EFHD1: variants seen among roughly 807,000 people sequenced by gnomAD.
EFHD1 encodes EF-hand domain-containing protein D1.
EFHD1 carries 10 observed loss-of-function variants against 17.2 expected under a neutral mutation model. That is an observed-to-expected ratio of 0.58 (90% CI 0.36 to 0.99). The LOEUF (loss-of-function observed/expected upper bound fraction) is 0.99, where lower values mean the gene tolerates loss of function less well. Ranked by LOEUF, EFHD1 falls within the 50% of genes least tolerant of loss-of-function variation. The pLI, the probability that EFHD1 is intolerant of heterozygous loss-of-function variation, is 0.01. For missense variants in EFHD1, 310 were observed against 327.5 expected, an observed-to-expected ratio of 0.95 and a Z score of 0.41; for synonymous variants, 153 against 142.0, an observed-to-expected ratio of 1.08 and a Z score of -0.55.
chr2:232,614,716 C>T (rs925079787), intron 1 of EFHD1, among the ~76,000 whole-genome samples: 11 of 152,150 alleles, frequency 7.2e-5, no homozygotes, highest in Admixed American at 7.2e-4. Flanking sequence ...TGGCTAATGC[C>T]TGTAATCCTA....
chr2:232,678,123 A>G (rs183383908), intron 3 of EFHD1, among the ~76,000 whole-genome samples: 62 of 152,116 alleles, frequency 4.1e-4, no homozygotes, highest in South Asian at 1.2e-3. Flanking sequence ...TCTCACTAAA[A>G]AAAACAAAAA....
Position 232,662,850 on chromosome 2 carries a change from G to A in EFHD1, c.351G>A (p.Leu117=). ...DGFIDLMELK[L]MMEKLGAPQT... Reference sequence around the variant, plus strand: ...TCATCGACCTGATGGAGCTGAAGCTGATGATGGAGAAGCTGGGGGCCCCCC... The same window carrying A: ...TCATCGACCTGATGGAGCTGAAGCTAATGATGGAGAAGCTGGGGGCCCCCC... Residue 117 remains leucine (L), a synonymous_variant, in exon 2 of 4, where the codon CTG becomes CTA. Transcript: ENST00000264059. 1 of 1,590,318 alleles carries A rather than the reference G, an allele frequency of 6.3e-7. No individual in the cohort carries two copies. Among genetic ancestry groups the A allele is most frequent in the Non-Finnish European group, 8.5e-7 (1 of 1,169,854 alleles).
At chr2:232,633,472 G>A (rs1440598935), upstream of EFHD1, 1 of 1,235,444 alleles carries the variant, frequency 8.1e-7, no homozygotes, top group Non-Finnish European at 1.0e-6. Flanking sequence ...CCCAGACACC[G>A]GCGGCCTCCT....
intron 1 of EFHD1, among the ~76,000 whole-genome samples, chr2:232,662,373 G>T (rs185617144): frequency 4.1e-4 from 63 of 152,272 alleles, no homozygotes; most frequent in African/African-American, 1.5e-3. Context: ...AGAACCAGGG[G>T]CAGTGACCAG....
At chr2:232,626,661 A>G (rs565297754) in intron 1 of EFHD1, among the ~76,000 whole-genome samples, 51 of 152,286 alleles carry the variant, frequency 3.3e-4, no homozygotes, top group South Asian at 1.9e-3. Context: ...TGCAGATGAA[A>G]GTCTGTTAGT....
chr2:232,639,689 C>T (rs561448952), intron 1 of EFHD1, among the ~76,000 whole-genome samples: 3 of 152,090 alleles, frequency 2.0e-5, no homozygotes, highest in South Asian at 4.2e-4. Context: ...AAAGATGTGC[C>T]GAATGGCCTA....
chr2:232,634,468 G>T (rs1233411646), intron 1 of EFHD1, among the ~76,000 whole-genome samples: 1 of 152,262 alleles, frequency 6.6e-6, no homozygotes, highest in South Asian at 2.1e-4. Context: ...CTGCAGCGCG[G>T]GGTCTGATGA....
chr2:232,619,021 C>A (rs1171701094), intron 1 of EFHD1, among the ~76,000 whole-genome samples: 1 of 151,584 alleles, frequency 6.6e-6, no homozygotes, highest in Non-Finnish European at 1.5e-5. Context: ...TGGTGGCAGG[C>A]ATCTGTAATC....
intron 2 of EFHD1, among the ~76,000 whole-genome samples, chr2:232,670,440 CAAAAAA>C (rs369519254): frequency 7.1e-6 from 1 of 141,268 alleles, no homozygotes; most frequent in African/African-American, 2.6e-5. Flanking sequence ...GACTGCATCT[CAAAAAA>C]AAAAAGGTTG....
At chr2:232,631,304 G>GTC (rs987000248), upstream of EFHD1, among the ~76,000 whole-genome samples, 42 of 144,394 alleles carry the variant, frequency 2.9e-4, no homozygotes, top group Non-Finnish European at 4.1e-4. Flanking sequence ...CTCTCTCTCT[G>GTC]TCTCTCTCTC....
chr2:232,653,695 G>A (rs755195674), intron 1 of EFHD1, among the ~76,000 whole-genome samples: 1 of 152,212 alleles, frequency 6.6e-6, no homozygotes, highest in African/African-American at 2.4e-5. Flanking sequence ...GGGATTGAAG[G>A]GGGTGGTTGG....
At chr2:232,636,535 T>C (rs1424166719) in intron 1 of EFHD1, among the ~76,000 whole-genome samples, 1 of 152,180 alleles carries the variant, frequency 6.6e-6, no homozygotes, top group Non-Finnish European at 1.5e-5. Context: ...TGGGTAAATG[T>C]GCACATTTGG....
chr2:232,614,906 A>G (rs1693893331), intron 1 of EFHD1, among the ~76,000 whole-genome samples: 1 of 151,984 alleles, frequency 6.6e-6, no homozygotes, highest in Non-Finnish European at 1.5e-5. Context: ...AGCCCAGGAG[A>G]TGAAGGCTGC....
chr2:232,624,407 G>A (rs1694073170), intron 1 of EFHD1, among the ~76,000 whole-genome samples: 1 of 152,220 alleles, frequency 6.6e-6, no homozygotes. Context: ...CTTGGCGCCT[G>A]GAGTCTAAGT....
intron 1 of EFHD1, among the ~76,000 whole-genome samples, chr2:232,625,382 C>T: frequency 6.6e-6 from 1 of 151,966 alleles, no homozygotes; most frequent in Non-Finnish European, 1.5e-5. Context: ...TCAAACAATC[C>T]TCCGACATTG....
At chr2:232,607,811 G>A (rs115311000) in intron 1 of EFHD1, among the ~76,000 whole-genome samples, 397 of 151,754 alleles carry the variant, frequency 2.6e-3, no homozygotes, top group African/African-American at 9.0e-3. Flanking sequence ...TTTAAGGTTA[G>A]GGCCAGGCGT....
intron 1 of EFHD1, among the ~76,000 whole-genome samples, chr2:232,637,389 G>C (rs888142923): frequency 6.7e-6 from 1 of 149,646 alleles, no homozygotes; most frequent in African/African-American, 2.5e-5. Flanking sequence ...CATTGCCCAG[G>C]CTGGAGTGCA....
upstream of EFHD1, chr2:232,633,338 C>A: frequency 2.2e-6 from 1 of 460,914 alleles, no homozygotes; most frequent in Non-Finnish European, 3.0e-6. Flanking sequence ...TTCCCCGGAG[C>A]TGACAGGGGC....
At chr2:232,628,025 A>C (rs943200988) in intron 1 of EFHD1, among the ~76,000 whole-genome samples, 1 of 152,186 alleles carries the variant, frequency 6.6e-6, no homozygotes, top group Non-Finnish European at 1.5e-5. Context: ...AAGACTCTGC[A>C]CCAAAATGAA....
Sources: gnomAD v4.1 joint callset for allele counts (sites outside exome capture counted in the v4.1 genomes callset) on GRCh38, gnomAD v4.1.1 for gene constraint, MANE v1.5 for transcripts, NCBI Gene and HGNC (gene_info 2026-07-23, HGNC 2026-07-21) for gene names.